Variants in CSMD1 observed in about 807,000 individuals in gnomAD.
CSMD1 encodes CUB and sushi domain-containing protein 1.
CSMD1 carries 213 observed loss-of-function variants against 417.5 expected under a neutral mutation model. The ratio of observed to expected loss-of-function variants is 0.51; its 90% confidence interval spans 0.46 to 0.57. The LOEUF is 0.57. CSMD1 is among the 20% of genes least tolerant of loss of function. The pLI is 0.00. For synonymous variants in CSMD1, 2,862 were observed against 1,736.8 expected, an observed-to-expected ratio of 1.65 and a Z score of -16.11; for missense variants, 6,923 against 4,529.7, an observed-to-expected ratio of 1.53 and a Z score of -15.17.
At chr8:3,001,194 T>C (rs537505482) in intron 52 of CSMD1, among the ~76,000 whole-genome samples, 2 of 152,112 alleles carry the variant, frequency 1.3e-5, no homozygotes, top group African/African-American at 4.8e-5. Flanking sequence ...TGGGGTCTCA[T>C]TATGTTGTTC....
chr8:4,110,235 C>G (rs906901356), intron 3 of CSMD1, among the ~76,000 whole-genome samples: 1 of 151,978 alleles, frequency 6.6e-6, no homozygotes, highest in African/African-American at 2.4e-5. Context: ...TAAAATAAAA[C>G]AAGACTGAAA....
chr8:4,433,063 T>G (rs896029613), intron 2 of CSMD1, among the ~76,000 whole-genome samples: 1 of 152,156 alleles, frequency 6.6e-6, no homozygotes, highest in East Asian at 1.9e-4. Flanking sequence ...TTGCACACTC[T>G]TTATAACTAT....
At chr8:4,843,849 T>G (rs1800979410) in intron 1 of CSMD1, among the ~76,000 whole-genome samples, 1 of 152,130 alleles carries the variant, frequency 6.6e-6, no homozygotes, top group Non-Finnish European at 1.5e-5. Flanking sequence ...AACCCTGAAT[T>G]TGGAGTCAAC....
At chr8:4,746,776 T>C (rs764071867) in intron 1 of CSMD1, among the ~76,000 whole-genome samples, 1 of 152,202 alleles carries the variant, frequency 6.6e-6, no homozygotes, top group Non-Finnish European at 1.5e-5. Context: ...GAGGTCATTC[T>C]GAAGGCATCA....
chr8:4,093,254 G>T (rs1284391544), intron 3 of CSMD1, among the ~76,000 whole-genome samples: 1 of 130,408 alleles, frequency 7.7e-6, no homozygotes, highest in Non-Finnish European at 1.8e-5. Flanking sequence ...TGCTAATTAA[G>T]CTAAAAAATC....
chr8:3,574,488 C>G (rs1291950616), intron 10 of CSMD1, among the ~76,000 whole-genome samples: 1 of 152,142 alleles, frequency 6.6e-6, no homozygotes, highest in East Asian at 1.9e-4. Flanking sequence ...CTCAAGTGAT[C>G]CACCCACTTT....
rs184998232 is a variant in CSMD1 at position 3,705,074 on chromosome 8, G to A, written c.1009+3340C>T. On this transcript the variant is annotated intron_variant, in intron 7 of 69. Coordinates refer to ENST00000635120, the MANE Select transcript of CSMD1 (RefSeq NM_033225.6). ...TCCCACCAGGAAACAGATGTCATTT[G>A]GAGAAGAAGCCAGTCAGGCAAGGCT... Among the ~76,000 whole-genome samples, 16 of 152,294 alleles carry A rather than the reference G, an allele frequency of 1.1e-4. No homozygotes were observed. The East Asian group carries it at 2.7e-3, about 26-fold the overall frequency.
At chr8:4,840,270 C>A (rs1800765389) in intron 1 of CSMD1, among the ~76,000 whole-genome samples, 1 of 152,244 alleles carries the variant, frequency 6.6e-6, no homozygotes, top group Non-Finnish European at 1.5e-5. Context: ...GTAAAGTATT[C>A]CTGCTTTAAG....
chr8:4,056,877 A>G (rs1424654155), intron 3 of CSMD1, among the ~76,000 whole-genome samples: 1 of 152,168 alleles, frequency 6.6e-6, no homozygotes, highest in East Asian at 1.9e-4. Context: ...ATCATTTTTT[A>G]TGGCTGCATA....
At chr8:3,978,012 C>T (rs1813572659) in intron 5 of CSMD1, among the ~76,000 whole-genome samples, 1 of 152,206 alleles carries the variant, frequency 6.6e-6, no homozygotes, top group Non-Finnish European at 1.5e-5. Flanking sequence ...AGCTCTTACT[C>T]AGATGGACAC....
At chr8:4,770,429 C>G (rs1160590487) in intron 1 of CSMD1, among the ~76,000 whole-genome samples, 2 of 149,698 alleles carry the variant, frequency 1.3e-5, no homozygotes, top group Non-Finnish European at 3.0e-5. Context: ...TTATCAAAAT[C>G]CCAATAGCAT....
chr8:3,088,267 G>A (rs2129006669), intron 48 of CSMD1, among the ~76,000 whole-genome samples: 1 of 152,280 alleles, frequency 6.6e-6, no homozygotes, highest in South Asian at 2.1e-4. Flanking sequence ...CACAAGGCTA[G>A]GTCACTACTG....
At chr8:3,550,824 G>T (rs572600835) in intron 10 of CSMD1, among the ~76,000 whole-genome samples, 1 of 152,298 alleles carries the variant, frequency 6.6e-6, no homozygotes, top group African/African-American at 2.4e-5. Flanking sequence ...TTGTTGGATG[G>T]AAGAGTAAAT....
intron 6 of CSMD1, among the ~76,000 whole-genome samples, chr8:3,719,183 A>T (rs886968231): frequency 7.9e-5 from 12 of 152,218 alleles, no homozygotes; most frequent in Non-Finnish European, 8.8e-5. Flanking sequence ...CTTTGCCACT[A>T]TAATTTCCCA....
At chr8:3,763,315 G>A (rs1584959778) in intron 5 of CSMD1, among the ~76,000 whole-genome samples, 1 of 152,148 alleles carries the variant, frequency 6.6e-6, no homozygotes, top group East Asian at 1.9e-4. Context: ...GGTATTGGAG[G>A]TGGGGCCCTG....
chr8:3,003,693 C>G (rs1035884269), intron 52 of CSMD1, among the ~76,000 whole-genome samples: 2 of 152,118 alleles, frequency 1.3e-5, no homozygotes, highest in Non-Finnish European at 2.9e-5. Flanking sequence ...CTGTCACGTG[C>G]AGAGTCCTGA....
chr8:4,849,098 A>C (rs1270263805), intron 1 of CSMD1, among the ~76,000 whole-genome samples: 1 of 152,178 alleles, frequency 6.6e-6, no homozygotes. Flanking sequence ...AGACAGTGAT[A>C]TGTATGATTC....
At chr8:3,778,798 G>A (rs541268553) in intron 5 of CSMD1, among the ~76,000 whole-genome samples, 3 of 152,234 alleles carry the variant, frequency 2.0e-5, no homozygotes, top group South Asian at 4.1e-4. Context: ...TTCATGCTCC[G>A]AACACTTTTC....
intron 49 of CSMD1, among the ~76,000 whole-genome samples, chr8:3,077,525 T>C (rs1050035600): frequency 2.2e-4 from 33 of 152,250 alleles, no homozygotes; most frequent in African/African-American, 8.0e-4. Flanking sequence ...AGCCTCATCC[T>C]GGCTGGCAGG....
Sources: allele counts gnomAD v4.1 joint callset (sites outside exome capture counted in the v4.1 genomes callset), GRCh38; gene constraint gnomAD v4.1.1; transcripts MANE v1.5; gene names NCBI Gene and HGNC (gene_info 2026-07-23, HGNC 2026-07-21).